The following AGAP1 variants were observed in gnomAD, a reference collection of about 807,000 sequenced individuals.
AGAP1 encodes arf-GAP with GTPase, ANK repeat and PH domain-containing protein 1.
Under a neutral mutation model 105.3 loss-of-function variants are expected in AGAP1, and 29 were observed. That is an observed-to-expected ratio of 0.28 (90% CI 0.21 to 0.38). The LOEUF (loss-of-function observed/expected upper bound fraction) is 0.38. Among genes scored for constraint, AGAP1 ranks in the 10% least tolerant of loss-of-function variants. The probability of loss-of-function intolerance (pLI) is 1.00; values close to 1 mark genes in which losing one functional copy is unlikely to be tolerated. For synonymous variants in AGAP1, 509 were observed against 485.9 expected (o/e 1.05, Z -0.63); for missense variants, 998 against 1,165.1 (o/e 0.86, Z 2.09).
chr2:235,676,626 A>T (rs1031057497), intron 1 of AGAP1, among the ~76,000 whole-genome samples: 2 of 152,240 alleles, frequency 1.3e-5, no homozygotes, highest in Admixed American at 6.5e-5. Context: ...ACTAATGCCA[A>T]CACTAAACAT....
intron 1 of AGAP1, among the ~76,000 whole-genome samples, chr2:235,598,809 C>T (rs867558556): frequency 1.5e-4 from 23 of 152,158 alleles, no homozygotes; most frequent in African/African-American, 5.5e-4. Flanking sequence ...CTCAGCCAGA[C>T]TCCTGGCAAA....
At chr2:235,532,274 C>T (rs186986730) in intron 1 of AGAP1, among the ~76,000 whole-genome samples, 23 of 152,250 alleles carry the variant, frequency 1.5e-4, no homozygotes, top group African/African-American at 2.6e-4. Flanking sequence ...TGCAGTGCAA[C>T]GGTGTGATCT....
At chr2:235,519,362 C>T (rs142754154) in intron 1 of AGAP1, among the ~76,000 whole-genome samples, 6 of 152,176 alleles carry the variant, frequency 3.9e-5, no homozygotes, top group Admixed American at 2.0e-4. Flanking sequence ...CATGAGCCAC[C>T]GCACATGGCC....
rs1337991664 is a variant in AGAP1 at position 235,785,080 on chromosome 2, G to A, written c.674-12679G>A. Among the ~76,000 whole-genome samples the A allele has an allele frequency of 4.6e-5, 7 of 152,216 alleles. 1 individual carries two copies. The highest frequency in any genetic ancestry group is 1.2e-4 in the African/African-American group (5 of 41,458). On this transcript the variant is annotated intron_variant, in intron 6 of 17. Coordinates refer to ENST00000304032, the MANE Select transcript of AGAP1 (RefSeq NM_001037131.3). ...CTCATTATTAACAGAGCAGGGAGGAGACGAATAATTCTCTCAGGTTCCAAC... is the reference window on the plus strand; with the variant it reads ...CTCATTATTAACAGAGCAGGGAGGAAACGAATAATTCTCTCAGGTTCCAAC...
chr2:235,964,121 T>C lies in AGAP1; in HGVS notation c.1484-4341T>C, dbSNP rs1575906135. ...GCAGCCTCGTGCAGAAGGTCCTAAC[T>C]GTGGGCTCCGTGGGAGTGTAGAGAT... is the stretch of plus-strand genomic sequence containing the variant. On this transcript the variant is annotated intron_variant, in intron 12 of 17. Coordinates refer to ENST00000304032, the MANE Select transcript of AGAP1 (RefSeq NM_001037131.3). The surrounding 1 kb of genome is among the most constrained non-coding windows in gnomAD (Gnocchi z 4.6). 6.6e-6 allele frequency among the ~76,000 whole-genome samples: 1 copy of C among 152,186 alleles called. No homozygotes were observed. Among genetic ancestry groups the C allele is most frequent in the African/African-American group, 2.4e-5 (1 of 41,522 alleles).
chr2:235,887,083 G>A lies in AGAP1; in HGVS notation c.1155+3634G>A, dbSNP rs2050307108. 6.6e-6 allele frequency among the ~76,000 whole-genome samples: 1 copy of A among 152,182 alleles called. No individual in the cohort carries two copies. Among genetic ancestry groups the A allele is most frequent in the Non-Finnish European group, 1.5e-5 (1 of 68,026 alleles). On this transcript the variant is annotated intron_variant, in intron 10 of 17. Coordinates refer to ENST00000304032, the MANE Select transcript of AGAP1 (RefSeq NM_001037131.3). The surrounding 1 kb of genome is among the most constrained non-coding windows in gnomAD (Gnocchi z 4.1). ...GGTCCCAAAATTTTACACCGTGAGA[G>A]TGACCCAGTTATCTCAGTCTGGAAA...
rs969370505 is a variant in AGAP1, at chr2:235,704,969, C to CTTTT, written c.164-4186_164-4183dup. Among the ~76,000 whole-genome samples, 64 of 59,732 alleles carry CTTTT rather than the reference C, an allele frequency of 1.1e-3. 3 individuals carry two copies. The highest frequency in any genetic ancestry group is 3.7e-3 in the East Asian group (8 of 2,142). The allele number at this position is 59,732 out of a possible 152,430, so 39.2% of individuals were successfully genotyped here. ...ATTGTAAAATACAAGATGCTTTTTT[C>CTTTT]TTTTTTTTTTTTTTTTTTTTTTTTT... On this transcript the variant is annotated intron_variant, in intron 1 of 17. Transcript: ENST00000304032.
In AGAP1 at chr2:235,662,600, G is replaced by A. The variant is rs1947997848; in HGVS notation, c.164-46579G>A. Among the ~76,000 whole-genome samples the A allele has an allele frequency of 6.6e-6, 1 of 151,076 alleles. No individual in the cohort carries two copies. Among genetic ancestry groups the A allele is most frequent in the South Asian group, 2.1e-4 (1 of 4,772 alleles). Reference sequence around the variant, plus strand: ...CAGCTCACTGCAACCTCTGCCTCCTGGGTTCAAGCGATTTTTCTGCCTCAG... The same window carrying A: ...CAGCTCACTGCAACCTCTGCCTCCTAGGTTCAAGCGATTTTTCTGCCTCAG... On this transcript the variant is annotated intron_variant, in intron 1 of 17. Transcript: ENST00000304032. The surrounding 1 kb of genome is among the most constrained non-coding windows in gnomAD (Gnocchi z 4.2).
intron 16 of AGAP1, among the ~76,000 whole-genome samples, chr2:236,077,749 C>G (rs1194482210): frequency 6.6e-6 from 1 of 152,230 alleles, no homozygotes; most frequent in Non-Finnish European, 1.5e-5. Context: ...GGGTTGAGCA[C>G]ATTTGTGAAT....
chr2:236,019,183 G>A (rs573136162), intron 13 of AGAP1, among the ~76,000 whole-genome samples: 9 of 152,346 alleles, frequency 5.9e-5, no homozygotes, highest in Non-Finnish European at 1.2e-4. Flanking sequence ...TGCTGAGTGT[G>A]AGGTAGGCCT....
chr2:235,523,168 G>T (rs903541896), intron 1 of AGAP1, among the ~76,000 whole-genome samples: 2 of 152,150 alleles, frequency 1.3e-5, no homozygotes, highest in Admixed American at 6.5e-5. Context: ...TCCTCTTCCT[G>T]TAAGGACACT....
In AGAP1 at chr2:235,721,859, C is replaced by T. The variant is rs1461886717; in HGVS notation, c.310+4215C>T. On this transcript the variant is annotated intron_variant, in intron 3 of 17. Transcript: ENST00000304032. This position sits in a 1 kb window ranked among gnomAD's most constrained non-coding sequence, Gnocchi z 4.5. The stretch of plus-strand genomic sequence containing the variant: ...AGAGCCGTCTCCAGATCCAGGCCTC[C>T]TTTTCAGCAGATACATCAGATGCAT... Among the ~76,000 whole-genome samples the T allele has an allele frequency of 1.3e-5, 2 of 152,300 alleles. No individual in the cohort carries two copies. The highest frequency in any genetic ancestry group is 3.9e-4 in the East Asian group (2 of 5,174).
At chr2:235,898,002 A>G (rs1329125118) in intron 10 of AGAP1, among the ~76,000 whole-genome samples, 4 of 152,160 alleles carry the variant, frequency 2.6e-5, no homozygotes, top group Admixed American at 6.5e-5. Context: ...TCTAATCAAC[A>G]GCAATCTAGC....
intron 12 of AGAP1, among the ~76,000 whole-genome samples, chr2:235,937,810 C>G (rs577973107): frequency 1.4e-3 from 215 of 152,334 alleles, no homozygotes; most frequent in Non-Finnish European, 2.8e-3. Flanking sequence ...CAGGGTGCTG[C>G]TGAGTGTGCC....
chr2:235,650,080 A>G (rs1947529688), intron 1 of AGAP1, among the ~76,000 whole-genome samples: 1 of 152,182 alleles, frequency 6.6e-6, no homozygotes. Flanking sequence ...TGATTAAACC[A>G]GCTAGGGATG....
At chr2:235,902,142 A>G (rs986010396) in intron 10 of AGAP1, among the ~76,000 whole-genome samples, 35 of 152,178 alleles carry the variant, frequency 2.3e-4, no homozygotes, top group African/African-American at 8.2e-4. Context: ...AGACAGCTGG[A>G]TTCTCGTATC....
At position 235,728,216 on chromosome 2, in the gene AGAP1, T is replaced by G. The variant is rs1000664763; in HGVS notation, c.310+10572T>G. On this transcript the variant is annotated intron_variant, in intron 3 of 17. Coordinates refer to ENST00000304032, the MANE Select transcript of AGAP1 (RefSeq NM_001037131.3). The surrounding 1 kb of genome is among the most constrained non-coding windows in gnomAD (Gnocchi z 4.3). Reference sequence around the variant, plus strand: ...AGAATTACATCAGGAGAATCTGAGATGTAGTGAAAGTGCCCCCAAGCTCCC... The same window carrying G: ...AGAATTACATCAGGAGAATCTGAGAGGTAGTGAAAGTGCCCCCAAGCTCCC... Among the ~76,000 whole-genome samples the G allele has an allele frequency of 5.3e-5, 8 of 151,992 alleles. No homozygotes were observed. The highest frequency in any genetic ancestry group is 1.5e-5 in the Non-Finnish European group (1 of 68,010).
chr2:235,926,680 C>G (rs977589877), intron 11 of AGAP1, among the ~76,000 whole-genome samples: 8 of 152,182 alleles, frequency 5.3e-5, no homozygotes, highest in African/African-American at 1.9e-4. Context: ...GAGATTTACT[C>G]CCTTAAGAGA....
At chr2:236,048,413 T>C (rs891235216) in intron 15 of AGAP1, among the ~76,000 whole-genome samples, 4 of 152,242 alleles carry the variant, frequency 2.6e-5, no homozygotes, top group African/African-American at 9.6e-5. Context: ...TCAGCGTTGG[T>C]TGCGCTGCGT....
Sources: allele counts gnomAD v4.1 joint callset (sites outside exome capture counted in the v4.1 genomes callset), GRCh38; gene constraint gnomAD v4.1.1; non-coding constraint Gnocchi (gnomAD v3.1); transcripts MANE v1.5; gene names NCBI Gene and HGNC (gene_info 2026-07-23, HGNC 2026-07-21).